The following COBLL1 variants were observed in gnomAD, a reference collection of about 807,000 sequenced individuals.
COBLL1 encodes the protein cordon-bleu protein-like 1.
COBLL1 carries 50 observed loss-of-function variants against 94.8 expected under a neutral mutation model. That is an observed-to-expected ratio of 0.53 (90% confidence interval 0.42 to 0.67). The LOEUF (loss-of-function observed/expected upper bound fraction) is 0.67, where lower values mean the gene tolerates loss of function less well. Ranked by LOEUF, COBLL1 falls within the 30% of genes least tolerant of loss-of-function variation. The pLI is 0.00. For missense variants in COBLL1, 1,362 were observed against 1,348.7 expected (o/e 1.01, Z -0.15); for synonymous variants, 448 against 473.8 (o/e 0.95, Z 0.71).
In COBLL1 at chr2:164,810,232, AT is replaced by A. The variant is rs201439813; in HGVS notation, c.41+30923del. ...TCTGGTATTTGGGATATATTTATGA[AT>A]TTTTTTTTCTAAAAGAAGAGATTTG... On this transcript the variant is annotated intron_variant, in intron 2 of 13. Coordinates refer to ENST00000652658, the MANE Select transcript of COBLL1 (RefSeq NM_001365672.2). Among the ~76,000 whole-genome samples the A allele has an allele frequency of 5.3e-5, 8 of 150,884 alleles. No individual in the cohort carries two copies. The South Asian group carries it at 6.3e-4, about 12-fold the overall frequency.
In COBLL1 at chr2:164,841,328, C is replaced by G. The variant is rs552590157; in HGVS notation, c.-50-82G>C. 1.5e-4 allele frequency: 181 copies of G among 1,205,612 alleles called. No homozygotes were observed. The African/African-American group carries it at 2.7e-3, about 18-fold the overall frequency. The allele number at this position is 1,205,612 out of a possible 1,614,324, so 74.7% of individuals were successfully genotyped here. A position where few individuals can be genotyped will look rare whatever the true frequency, so the allele number is the denominator to read the frequency against. On this transcript the variant is annotated intron_variant, in intron 1 of 13. Coordinates refer to ENST00000652658, the MANE Select transcript of COBLL1 (RefSeq NM_001365672.2). This position sits in a 1 kb window ranked among gnomAD's most constrained non-coding sequence, Gnocchi z 5.5. ...GCGAAGCTGGCTGAGCGTCAAGAGC[C>G]CGCCCGAGCCGCTCCAGCCCCGGCC...
chr2:164,840,972 C>T, intron 2 of COBLL1, 184 bp downstream of exon 2: 1 of 576,954 alleles, frequency 1.7e-6, no homozygotes, highest in Non-Finnish European at 2.5e-6. Flanking sequence ...GACCCGAGCC[C>T]TCCGCCCGGG....
At chr2:164,739,441 AT>A (rs895187196) in intron 3 of COBLL1, among the ~76,000 whole-genome samples, 3 of 152,210 alleles carry the variant, frequency 2.0e-5, no homozygotes, top group Non-Finnish European at 4.4e-5. Flanking sequence ...CCAAGAACAC[AT>A]TTTGAGTGGG....
At chr2:164,741,484 G>C (rs911853542) in intron 3 of COBLL1, among the ~76,000 whole-genome samples, 4 of 149,630 alleles carry the variant, frequency 2.7e-5, no homozygotes, top group African/African-American at 9.9e-5. Context: ...GAGGGTGCAA[G>C]GTAAATGAAG....
At position 164,743,705 on chromosome 2, in the gene COBLL1, G is replaced by A; in HGVS notation, c.212C>T (p.Ser71Phe). 1 of 1,613,298 alleles carries A rather than the reference G, an allele frequency of 6.2e-7. No individual in the cohort carries two copies. The highest frequency in any genetic ancestry group is 8.5e-7 in the Non-Finnish European group (1 of 1,179,446). The change falls in exon 3 of 14, where the codon TCT becomes TTT. Residue 71 changes from serine (S) to phenylalanine (F), a missense_variant. By Grantham distance (155) the Ser-to-Phe change is radical (BLOSUM62 -2). Transcript: ENST00000652658. ...SVVLPGDIIK[S>F]TTVHGSKPMM... ...AGCGTACCTGCCATGAACAGTAGTA[G>A]ATTTGATAATATCCCCAGGTAGGAC... is the stretch of plus-strand genomic sequence containing the variant.
chr2:164,773,739 T>C, intron 2 of COBLL1: 1 of 1,298,518 alleles, frequency 7.7e-7, no homozygotes, highest in Non-Finnish European at 1.0e-6. Context: ...AAAACAGTAT[T>C]GTTCCTCTAG....
intron 2 of COBLL1, chr2:164,800,457 G>A: frequency 1.5e-6 from 1 of 656,992 alleles, no homozygotes; most frequent in Non-Finnish European, 2.7e-6. Flanking sequence ...AAATTCTCAT[G>A]CACTCTTGGT....
chr2:164,730,739 CATT>C (rs1306968011), intron 3 of COBLL1, among the ~76,000 whole-genome samples: 1 of 151,996 alleles, frequency 6.6e-6, no homozygotes, highest in African/African-American at 2.4e-5. Flanking sequence ...CTTCACAACA[CATT>C]ATTTGTAATA....
rs143482035 is a variant in COBLL1, at chr2:164,694,866, C to T, written c.2526G>A (p.Leu842=). 7 of 1,613,870 alleles carry T rather than the reference C, an allele frequency of 4.3e-6. No homozygotes were observed. Among genetic ancestry groups the T allele is most frequent in the African/African-American group, 4.0e-5 (3 of 74,974 alleles). Residue 842 remains leucine, a synonymous_variant, in exon 12 of 14, where the codon TTG becomes TTA. Coordinates refer to ENST00000652658, the MANE Select transcript of COBLL1 (RefSeq NM_001365672.2). ...ATTCCAAAATATTGTTTATTTCTTC[C>T]AAATTTGGTGCAAAAGGAGCTGTGC... is the stretch of plus-strand genomic sequence containing the variant. ...DTGTAPFAPN[L]EEINNILESK...
At position 164,700,502 on chromosome 2, in the gene COBLL1, C is replaced by G; in HGVS notation, c.1460+20G>C. On this transcript the variant is annotated intron_variant, in intron 10 of 13. Coordinates refer to ENST00000652658, the MANE Select transcript of COBLL1 (RefSeq NM_001365672.2). The stretch of plus-strand genomic sequence containing the variant: ...AATTAAACTAACGGCCACCAACACT[C>G]CAGCACAGAGACTACTTACTGTCCA... 6.7e-7 allele frequency: 1 copy of G among 1,495,968 alleles called. No homozygotes were observed. The highest frequency in any genetic ancestry group is 9.3e-7 in the Non-Finnish European group (1 of 1,075,574). The allele number at this position is 1,495,968 out of a possible 1,614,324, so 92.7% of individuals were successfully genotyped here.
chr2:164,744,749 ATGGG>A (rs1220080667), intron 2 of COBLL1, among the ~76,000 whole-genome samples: 1 of 152,200 alleles, frequency 6.6e-6, no homozygotes, highest in Non-Finnish European at 1.5e-5. Context: ...ATGAACTATG[ATGGG>A]TTGTTTGATA....
In COBLL1 at chr2:164,841,551, G is replaced by A. The variant is rs988195985; in HGVS notation, c.-51+159C>T. On this transcript the variant is annotated intron_variant, in intron 1 of 13. Coordinates refer to ENST00000652658, the MANE Select transcript of COBLL1 (RefSeq NM_001365672.2). This position sits in a 1 kb window ranked among gnomAD's most constrained non-coding sequence, Gnocchi z 5.5. Reference sequence around the variant, plus strand: ...AGAGGAGCCGCCGGGGCTGGAAAAGGAGGAGGAGCGGGGCCGGGCGCACGG... The same window carrying A: ...AGAGGAGCCGCCGGGGCTGGAAAAGAAGGAGGAGCGGGGCCGGGCGCACGG... 3.9e-6 allele frequency: 3 copies of A among 768,694 alleles called. No homozygotes were observed. Among genetic ancestry groups the A allele is most frequent in the Non-Finnish European group, 5.0e-6 (3 of 599,406 alleles). The allele number at this position is 768,694 out of a possible 1,614,324, so 47.6% of individuals were successfully genotyped here.
chr2:164,695,362 A>T lies in COBLL1; in HGVS notation c.2030T>A (p.Ile677Asn). Residue 677 changes from isoleucine (I) to asparagine (N), a missense_variant, in exon 12 of 14, where the codon ATT becomes AAT. Physicochemically the swap from Ile to Asn is moderately radical, Grantham distance 149. Transcript: ENST00000652658. The part of the protein sequence containing the change: ...SEDPLTVKDP[I>N]CAHGNDDLLP... ...AAGATCATCATTACCATGTGCACAA[A>T]TTGGATCTTTTACGGTAAGCGGATC... 1 of 1,613,942 alleles carries T rather than the reference A, an allele frequency of 6.2e-7. No individual in the cohort carries two copies. The highest frequency in any genetic ancestry group is 8.5e-7 in the Non-Finnish European group (1 of 1,179,924).
At chr2:164,822,192 A>C (rs1466796530) in intron 2 of COBLL1, among the ~76,000 whole-genome samples, 1 of 152,226 alleles carries the variant, frequency 6.6e-6, no homozygotes, top group East Asian at 1.9e-4. Flanking sequence ...ATTCAACCAC[A>C]GGTCCCCCTA....
intron 2 of COBLL1, among the ~76,000 whole-genome samples, chr2:164,831,840 G>A (rs1302288041): frequency 6.6e-6 from 1 of 152,060 alleles, no homozygotes; most frequent in African/African-American, 2.4e-5. Flanking sequence ...CTCTACCCTC[G>A]GACACTTCCA....
At chr2:164,825,095 T>C (rs1481363552) in intron 2 of COBLL1, among the ~76,000 whole-genome samples, 2 of 152,226 alleles carry the variant, frequency 1.3e-5, no homozygotes, top group African/African-American at 4.8e-5. Flanking sequence ...GGGTTGGATG[T>C]GACCATTAAA....
chr2:164,687,383 A>C, intron 13 of COBLL1: 1 of 794,106 alleles, frequency 1.3e-6, no homozygotes, highest in Non-Finnish European at 2.2e-6. Context: ...ATGTCTTCAA[A>C]TTCATCGACA....
At chr2:164,826,921 T>A (rs1476643050) in intron 2 of COBLL1, among the ~76,000 whole-genome samples, 1 of 151,950 alleles carries the variant, frequency 6.6e-6, no homozygotes, top group Admixed American at 6.6e-5. Flanking sequence ...TCTCTCTCTT[T>A]TTTGTTTTGT....
chr2:164,661,959 T>A (rs1691075876), intron 2 of COBLL1, among the ~76,000 whole-genome samples: 1 of 152,228 alleles, frequency 6.6e-6, no homozygotes, highest in African/African-American at 2.4e-5. Flanking sequence ...CTTTTGAGCT[T>A]CCTAATAATC....
Sources: gnomAD v4.1 joint callset for allele counts (sites outside exome capture counted in the v4.1 genomes callset) on GRCh38, gnomAD v4.1.1 for gene constraint, Gnocchi (gnomAD v3.1) non-coding constraint, MANE v1.5 for transcripts, NCBI Gene and HGNC (gene_info 2026-07-23, HGNC 2026-07-21) for gene names.